The following ATM variants were observed in gnomAD, a reference collection of about 807,000 sequenced individuals.
ATM encodes ATM serine/threonine kinase.
In ATM, 308 loss-of-function variants were observed where a neutral mutation model predicts 387.0. That is an observed-to-expected ratio of 0.80 (90% CI 0.73 to 0.87). The LOEUF (loss-of-function observed/expected upper bound fraction) is 0.87. ATM is among the 40% of genes least tolerant of loss of function. ATM has a pLI of 0.00. For synonymous variants in ATM, 1,156 were observed against 1,187.3 expected (o/e 0.97, Z 0.54); for missense variants, 3,312 against 3,560.9 (o/e 0.93, Z 1.78).
chr11:108,281,660 T>C (rs1224412100), intron 24 of ATM, among the ~76,000 whole-genome samples: 1 of 152,230 alleles, frequency 6.6e-6, no homozygotes, highest in African/African-American at 2.4e-5. Flanking sequence ...GCCCCGTCTC[T>C]TTTCCATCAC....
rs2135977706 is a variant in ATM at position 108,307,965 on chromosome 11, T to C, written c.5743T>C (p.Tyr1915His). 1 of 1,613,202 alleles carries C rather than the reference T, an allele frequency of 6.2e-7. No individual in the cohort carries two copies. Among genetic ancestry groups the C allele is most frequent in the Non-Finnish European group, 8.5e-7 (1 of 1,179,228 alleles). The change falls in exon 38 of 63, where the codon TAC (tyrosine) becomes CAC (histidine). Residue 1915 changes from tyrosine to histidine, a missense_variant. Around this residue, in one of 4 missense-constraint regions of ATM, gnomAD observed 1,405 missense variants for 1,604.4 expected, o/e 0.88. Coordinates refer to ENST00000675843, the MANE Select transcript of ATM (RefSeq NM_000051.4). Reference protein sequence around the residue: ...SQRTMLAVVDYMRRQKRPSSG... With the variant: ...SQRTMLAVVDHMRRQKRPSSG... Reference sequence around the variant, plus strand: ...AAGAACAATGCTTGCTGTTGTGGACTACATGAGAAGACAAAAGAGGTAATG... The same window carrying C: ...AAGAACAATGCTTGCTGTTGTGGACCACATGAGAAGACAAAAGAGGTAATG...
At position 108,327,751 on chromosome 11, in the gene ATM, T is replaced by G; in HGVS notation, c.7082T>G (p.Leu2361Arg). The change falls in exon 48 of 63, where the codon CTA becomes CGA. Residue 2361 changes from leucine (L) to arginine (R), a missense_variant. Around this residue, in one of 4 missense-constraint regions of ATM, gnomAD observed 1,405 missense variants for 1,604.4 expected, o/e 0.88. Transcript: ENST00000675843. ...ENPAVIMQTY[L>R]EKAVEVAGNY... Reference sequence around the variant, plus strand: ...CCTGCGGTCATCATGCAGACCTATCTAGAAAAGGTAAGATTTTTGGAGCAA... The same window carrying G: ...CCTGCGGTCATCATGCAGACCTATCGAGAAAAGGTAAGATTTTTGGAGCAA... 6.2e-7 allele frequency: 1 copy of G among 1,613,210 alleles called. No homozygotes were observed. The highest frequency in any genetic ancestry group is 8.5e-7 in the Non-Finnish European group (1 of 1,179,248).
At chr11:108,326,917 C>A (rs2085736515) in intron 47 of ATM, among the ~76,000 whole-genome samples, 1 of 152,212 alleles carries the variant, frequency 6.6e-6, no homozygotes, top group Non-Finnish European at 1.5e-5. Context: ...CCTCCACCTC[C>A]CTGGTTCAAG....
In ATM at chr11:108,227,838, G is replaced by C. The variant is rs970407823; in HGVS notation, c.135G>C (p.Arg45=). 1.2e-6 allele frequency: 2 copies of C among 1,613,278 alleles called. No homozygotes were observed. Among genetic ancestry groups the C allele is most frequent in the Non-Finnish European group, 1.7e-6 (2 of 1,179,796 alleles). ...RDPETIKHLD[R]HSDSKQGKYL... The stretch of plus-strand genomic sequence containing the variant: ...CTGAAACAATTAAACATCTAGATCG[G>C]CATTCAGATTCCAAACAAGGAAAAT... The change falls in exon 3 of 63, where the codon CGG becomes CGC. Residue 45 remains arginine, a synonymous_variant. Coordinates refer to ENST00000675843, the MANE Select transcript of ATM (RefSeq NM_000051.4).
At chr11:108,288,634 G>C (rs946203598) in intron 27 of ATM, among the ~76,000 whole-genome samples, 1 of 150,836 alleles carries the variant, frequency 6.6e-6, no homozygotes, top group African/African-American at 2.4e-5. Flanking sequence ...TTAAAGTACT[G>C]CTTTTACAGT....
At chr11:108,277,216 C>A (rs1352211114) in intron 22 of ATM, among the ~76,000 whole-genome samples, 2 of 152,140 alleles carry the variant, frequency 1.3e-5, no homozygotes, top group African/African-American at 2.4e-5. Flanking sequence ...GCCCCTCCCC[C>A]CACCAAGCTT....
rs565041869 is a variant in ATM at position 108,283,829 on chromosome 11, A to C, written c.3747-398A>C. On this transcript the variant is annotated intron_variant, in intron 25 of 62. Coordinates refer to ENST00000675843, the MANE Select transcript of ATM (RefSeq NM_000051.4). ...CTGTTTTTCTATCTGCATTTGGTTG[A>C]AAAATATGCAAGTATAAGTTCAAAC... 3.9e-5 allele frequency among the ~76,000 whole-genome samples: 6 copies of C among 152,320 alleles called. No individual in the cohort carries two copies. In the South Asian group the frequency reaches 1.2e-3, roughly 32 times the overall value.
chr11:108,327,523 T>A, intron 47 of ATM, 122 bp from the exon 48 acceptor site: 1 of 712,520 alleles, frequency 1.4e-6, no homozygotes. Context: ...GAGGAAAAAC[T>A]TTTTTTTTCC....
chr11:108,231,058 A>G (rs1443955965), intron 4 of ATM: 1 of 152,150 alleles, frequency 6.6e-6, no homozygotes, highest in East Asian at 1.9e-4. Context: ...ATTCTTGCTT[A>G]TCTTTCATTC....
intron 22 of ATM, among the ~76,000 whole-genome samples, chr11:108,279,064 A>G (rs1441812137): frequency 1.3e-5 from 2 of 152,196 alleles, no homozygotes; most frequent in Non-Finnish European, 2.9e-5. Flanking sequence ...TTTCCATCAC[A>G]TAAAACAAAA....
chr11:108,331,438 T>C lies in ATM; in HGVS notation c.7516-6T>C, dbSNP rs1057521003. 3 of 1,612,328 alleles carry C rather than the reference T, an allele frequency of 1.9e-6. No homozygotes were observed. The highest frequency in any genetic ancestry group is 2.2e-5 in the East Asian group (1 of 44,720). On this transcript the variant is annotated splice_region_variant and splice_polypyrimidine_tract_variant and intron_variant, in intron 50 of 62. Coordinates refer to ENST00000675843, the MANE Select transcript of ATM (RefSeq NM_000051.4). Reference sequence around the variant, plus strand: ...TCTTAATTTTGTGTCTTTTTTTTAATGGTAGAGAGACGGAATGAAGATTCC... The same window carrying C: ...TCTTAATTTTGTGTCTTTTTTTTAACGGTAGAGAGACGGAATGAAGATTCC...
At chr11:108,242,364 A>G (rs1041170417) in intron 5 of ATM, among the ~76,000 whole-genome samples, 2 of 152,190 alleles carry the variant, frequency 1.3e-5, no homozygotes, top group East Asian at 1.9e-4. Context: ...AAAGCCTTTC[A>G]TAAGACAAAT....
intron 61 of ATM, among the ~76,000 whole-genome samples, chr11:108,358,820 G>A (rs540434362): frequency 0.048 from 7,090 of 149,210 alleles, 212 homozygotes; most frequent in Non-Finnish European, 0.067. Flanking sequence ...AGGAACAACC[G>A]GTACCAGCCA....
At chr11:108,304,322 C>T (rs1017194036) in intron 36 of ATM, among the ~76,000 whole-genome samples, 1 of 152,128 alleles carries the variant, frequency 6.6e-6, no homozygotes, top group Admixed American at 6.5e-5. Context: ...CAGAAAACTC[C>T]TTCTGTTACT....
intron 61 of ATM, among the ~76,000 whole-genome samples, chr11:108,356,586 C>T (rs2089956136): frequency 6.8e-6 from 1 of 148,086 alleles, no homozygotes; most frequent in Non-Finnish European, 1.5e-5. Flanking sequence ...ATTAAAGAGT[C>T]AAAGCAGCTT....
At chr11:108,331,231 A>G in intron 50 of ATM, 1 of 1,262,340 alleles carries the variant, frequency 7.9e-7, no homozygotes, top group Non-Finnish European at 1.0e-6. Flanking sequence ...ATTTAGGACC[A>G]AATATTTTGA....
rs760492979 is a variant in ATM at position 108,272,620 on chromosome 11, A to AT, written c.3153+20dup. On this transcript the variant is annotated intron_variant, in intron 21 of 62. Coordinates refer to ENST00000675843, the MANE Select transcript of ATM (RefSeq NM_000051.4). The stretch of plus-strand genomic sequence containing the variant: ...AACTTTGCTTGAGGTGAGTTTTTGC[A>AT]TTTTTTTAGTAAGATCTCCATTGAA... 29 of 1,613,088 alleles carry AT rather than the reference A, an allele frequency of 1.8e-5. No individual in the cohort carries two copies. In the Admixed American group the frequency reaches 2.8e-4, roughly 16 times the overall value.
chr11:108,226,044 TTC>T (rs2078721005), intron 1 of ATM: 1 of 152,252 alleles, frequency 6.6e-6, no homozygotes. Context: ...TATGTATTTT[TTC>T]TCTGTTTACA....
intron 4 of ATM, among the ~76,000 whole-genome samples, chr11:108,233,336 A>G (rs1431796111): frequency 6.6e-6 from 1 of 152,126 alleles, no homozygotes; most frequent in Non-Finnish European, 1.5e-5. Context: ...TTGTGAGGCC[A>G]AGGCAGGCAG....
Sources: gnomAD v4.1 joint callset for allele counts (sites outside exome capture counted in the v4.1 genomes callset) on GRCh38, gnomAD v4.1.1 for gene constraint, gnomAD v4.1.1 regional missense constraint, MANE v1.5 for transcripts, NCBI Gene and HGNC (gene_info 2026-07-23, HGNC 2026-07-21) for gene names.